DTX2: variants seen among roughly 807,000 people sequenced by gnomAD.
DTX2 encodes probable E3 ubiquitin-protein ligase DTX2.
In DTX2, 29 loss-of-function variants were observed where a neutral mutation model predicts 55.3. The observed-to-expected ratio is 0.52, with a 90% confidence interval of 0.39 to 0.71. DTX2 has a LOEUF of 0.71. Among genes scored for constraint, DTX2 ranks in the 30% least tolerant of loss-of-function variants. The probability of loss-of-function intolerance (pLI) is 0.00; values close to 1 mark genes in which losing one functional copy is unlikely to be tolerated. For missense variants in DTX2, 537 were observed against 822.5 expected, an observed-to-expected ratio of 0.65 and a Z score of 4.25; for synonymous variants, 276 against 340.4, an observed-to-expected ratio of 0.81 and a Z score of 2.08.
chr7:76,469,257 C>T (rs931652926), intron 2 of DTX2, among the ~76,000 whole-genome samples: 1 of 149,700 alleles, frequency 6.7e-6, no homozygotes, highest in African/African-American at 2.5e-5. Flanking sequence ...ACGTTCCAGC[C>T]ACCATTGCAG....
chr7:76,492,310 G>A, intron 5 of DTX2, 57 bp downstream of exon 5: 1 of 948,172 alleles, frequency 1.1e-6, no homozygotes, highest in Non-Finnish European at 1.4e-6. Flanking sequence ...TTGGTGGGGA[G>A]GAAATTGTGA....
At chr7:76,483,684 G>C (rs952330478) in intron 4 of DTX2, among the ~76,000 whole-genome samples, 9 of 151,044 alleles carry the variant, frequency 6.0e-5, no homozygotes, top group African/African-American at 2.2e-4. Context: ...CAGAGTGCCT[G>C]GTAGAGCGCT....
chr7:76,474,176 CT>C lies in DTX2; in HGVS notation c.-89-6235del, dbSNP rs959147250. Among the ~76,000 whole-genome samples, 7 of 139,888 alleles carry C rather than the reference CT, an allele frequency of 5.0e-5. No homozygotes were observed. The South Asian group carries it at 7.2e-4, about 14-fold the overall frequency. The allele number at this position is 139,888 out of a possible 152,430, so 91.8% of individuals were successfully genotyped here. On this transcript the variant is annotated intron_variant, in intron 2 of 10. Transcript: ENST00000430490. ...CCTCAGGTGATCCGTGCCTGGCCTA[CT>C]TTTTTTTTTCTTTTTCTTTTTCTTT...
intron 2 of DTX2, among the ~76,000 whole-genome samples, chr7:76,469,545 A>C (rs905172642): frequency 6.6e-6 from 1 of 150,474 alleles, no homozygotes; most frequent in Non-Finnish European, 1.5e-5. Flanking sequence ...GGCGCTCGCC[A>C]CCACACTTGG....
At position 76,482,713 on chromosome 7, in the gene DTX2, C is replaced by A. The variant is rs756084900; in HGVS notation, c.474C>A (p.Thr158=). The A allele has an allele frequency of 6.2e-7, 1 of 1,613,856 alleles. No homozygotes were observed. Among genetic ancestry groups the A allele is most frequent in the Middle Eastern group, 1.7e-4 (1 of 6,056 alleles). ...ACAACTACACTGTCAACTACACCAC[C>A]CACACGCAGACCAACAAGACTTCCA... ...LGYNYTVNYT[T]HTQTNKTSSF... The change falls in exon 4 of 11, where the codon ACC becomes ACA. Residue 158 remains threonine, a synonymous_variant. Transcript: ENST00000430490.
At chr7:76,474,056 A>G (rs1808250873) in intron 2 of DTX2, among the ~76,000 whole-genome samples, 1 of 147,470 alleles carries the variant, frequency 6.8e-6, no homozygotes, top group South Asian at 2.2e-4. Context: ...CTAGTAGGTG[A>G]GATTACAGGC....
At chr7:76,479,248 G>A (rs1808890753) in intron 2 of DTX2, 1 of 98,588 alleles carries the variant, frequency 1.0e-5, no homozygotes. Context: ...AGAAGGTCTC[G>A]GGAGGTGGAG....
intron 2 of DTX2, among the ~76,000 whole-genome samples, chr7:76,469,359 G>GAT (rs755962712): frequency 0.28 from 25,384 of 89,646 alleles, 1,040 homozygotes; most frequent in African/African-American, 0.36. Flanking sequence ...TTGAAATCTA[G>GAT]ATTTTTTTTT....
chr7:76,463,318 G>A (rs1806808766), intron 1 of DTX2: 1 of 151,784 alleles, frequency 6.6e-6, no homozygotes, highest in African/African-American at 2.4e-5. Context: ...AAGAGCTCAG[G>A]GTTTTTTTGT....
Position 76,474,627 on chromosome 7 carries a change from G to A in DTX2, c.-89-5794G>A, listed in dbSNP as rs542843293. 7.6e-4 allele frequency: 116 copies of A among 152,110 alleles called. 1 individual carries two copies. The highest frequency in any genetic ancestry group is 2.4e-3 in the African/African-American group (99 of 41,438). 9.4% of individuals were successfully genotyped at this position (152,110 alleles called of 1,614,324 possible). On this transcript the variant is annotated intron_variant, in intron 2 of 10. Transcript: ENST00000430490. ...ACATATTGTTAAGTTGAAAGTAGCC[G>A]TGGCTCAGTATGAGTTGAGTACCTG...
chr7:76,483,211 C>G, intron 4 of DTX2, 64 bp downstream of exon 4: 7 of 1,548,138 alleles, frequency 4.5e-6, no homozygotes, highest in Non-Finnish European at 6.1e-6. Context: ...CGGGAAGACT[C>G]ACCCCAATTC....
At chr7:76,462,006 T>G (rs1584096418) in intron 1 of DTX2, among the ~76,000 whole-genome samples, 170 bp downstream of exon 1, 6 of 127,016 alleles carry the variant, frequency 4.7e-5, no homozygotes, top group East Asian at 2.6e-4. Flanking sequence ...AGATCGGGGG[T>G]GTCGGGGGGA....
intron 10 of DTX2, among the ~76,000 whole-genome samples, chr7:76,504,932 G>A (rs1293290412): frequency 2.6e-5 from 4 of 152,142 alleles, no homozygotes; most frequent in African/African-American, 7.2e-5. Context: ...AGCCACGGAG[G>A]TGGAGCTGCT....
rs545565669 is a variant in DTX2, at chr7:76,503,534, C to T, written c.1498C>T (p.His500Tyr). ...ACGGTTCCAGATGTCGCTCCCCGGC[C>T]ACGAGGACTGCGGGACCATCCTCAT... ...VLRFQMSLPG[H>Y]EDCGTILIVY... The change falls in exon 9 of 11, where the codon CAC (histidine) becomes TAC (tyrosine). Residue 500 changes from histidine (H) to tyrosine (Y), a missense_variant. By Grantham distance (83) the His-to-Tyr change is moderately conservative. Around this residue, in one of 7 missense-constraint regions of DTX2, gnomAD observed 121 missense variants for 136.8 expected, o/e 0.88. Coordinates refer to ENST00000430490, the MANE Select transcript of DTX2 (RefSeq NM_001102594.3). 1.6e-5 allele frequency: 25 copies of T among 1,612,804 alleles called. No homozygotes were observed. The East Asian group carries it at 4.9e-4, about 32-fold the overall frequency.
intron 6 of DTX2, among the ~76,000 whole-genome samples, chr7:76,499,029 TG>T (rs1811315475): frequency 6.4e-5 from 1 of 15,600 alleles, no homozygotes; most frequent in Non-Finnish European, 1.1e-4. Context: ...GTGTGTGAGG[TG>T]GGGTGTGAGG....
chr7:76,467,155 TC>T (rs1234867484), intron 2 of DTX2, among the ~76,000 whole-genome samples: 1 of 151,402 alleles, frequency 6.6e-6, no homozygotes, highest in Non-Finnish European at 1.5e-5. Context: ...CGCCTTGGCC[TC>T]CCAAAGTGCT....
In DTX2 at chr7:76,483,153, G is replaced by A. The variant is rs559605865; in HGVS notation, c.908+6G>A. On this transcript the variant is annotated splice_donor_region_variant and intron_variant, in intron 4 of 10. Transcript: ENST00000430490. Reference sequence around the variant, plus strand: ...TCCACCTCCGGTGCAGTCAGGTATCGTGGGCAACGGCCGCTCGTTTTGTCT... The same window carrying A: ...TCCACCTCCGGTGCAGTCAGGTATCATGGGCAACGGCCGCTCGTTTTGTCT... 36 of 1,606,332 alleles carry A rather than the reference G, an allele frequency of 2.2e-5. No individual in the cohort carries two copies. Among genetic ancestry groups the A allele is most frequent in the South Asian group, 5.5e-5 (5 of 90,290 alleles).
rs141567991 is a variant in DTX2 at position 76,504,744 on chromosome 7, G to A, written c.1641+299G>A. 6.5e-4 allele frequency among the ~76,000 whole-genome samples: 99 copies of A among 152,286 alleles called. 1 individual carries two copies. Among genetic ancestry groups the A allele is most frequent in the African/African-American group, 2.4e-3 (98 of 41,564 alleles). On this transcript the variant is annotated intron_variant, in intron 10 of 10. Coordinates refer to ENST00000430490, the MANE Select transcript of DTX2 (RefSeq NM_001102594.3). ...GGGCTGTGTTAGACCAGGTGACCACGGAAGGCTGGAGCAGTGGTGTCTGCA... is the reference window on the plus strand; with the variant it reads ...GGGCTGTGTTAGACCAGGTGACCACAGAAGGCTGGAGCAGTGGTGTCTGCA...
At position 76,505,887 on chromosome 7, in the gene DTX2, G is replaced by T. The variant is rs1812293626; in HGVS notation, c.*286G>T. ...CTGCTTCGGGCCCGCGGTGCTCGGG[G>T]CCTGGTGTGGGGCGAGTAGAGACTT... On this transcript the variant is annotated 3_prime_UTR_variant, in exon 11 of 11. Coordinates refer to ENST00000430490, the MANE Select transcript of DTX2 (RefSeq NM_001102594.3). This position sits in a 1 kb window ranked among gnomAD's most constrained non-coding sequence, Gnocchi z 4.4. 1.8e-6 allele frequency: 1 copy of T among 564,730 alleles called. No homozygotes were observed. The highest frequency in any genetic ancestry group is 3.2e-6 in the Non-Finnish European group (1 of 313,334). 35.0% of individuals were successfully genotyped at this position (564,730 alleles called of 1,614,324 possible).
Sources: gnomAD v4.1 joint callset for allele counts (sites outside exome capture counted in the v4.1 genomes callset) on GRCh38, gnomAD v4.1.1 for gene constraint, gnomAD v4.1.1 regional missense constraint, Gnocchi (gnomAD v3.1) non-coding constraint, MANE v1.5 for transcripts, NCBI Gene and HGNC (gene_info 2026-07-23, HGNC 2026-07-21) for gene names.